The following PTPRS variants were observed in gnomAD, a reference collection of about 807,000 sequenced individuals.
The protein encoded by PTPRS is receptor-type tyrosine-protein phosphatase S.
Under a neutral mutation model 215.3 loss-of-function variants are expected in PTPRS, and 63 were observed. The ratio of observed to expected loss-of-function variants is 0.29; its 90% CI spans 0.24 to 0.36. The LOEUF (loss-of-function observed/expected upper bound fraction) is 0.36, where lower values mean the gene tolerates loss of function less well. PTPRS is among the 10% of genes least tolerant of loss of function. PTPRS has a pLI of 1.00. For synonymous variants in PTPRS, 1,404 were observed against 1,191.4 expected, an observed-to-expected ratio of 1.18 and a Z score of -3.68; for missense variants, 2,258 against 2,825.8, an observed-to-expected ratio of 0.80 and a Z score of 4.56.
intron 1 of PTPRS, among the ~76,000 whole-genome samples, chr19:5,329,802 C>T (rs994838284): frequency 1.3e-5 from 2 of 151,044 alleles, no homozygotes; most frequent in East Asian, 1.9e-4. Flanking sequence ...CCAGGTCGGG[C>T]ATGGTGGCTC....
intron 7 of PTPRS, among the ~76,000 whole-genome samples, chr19:5,260,058 G>A (rs575013879): frequency 2.0e-4 from 31 of 152,144 alleles, no homozygotes; most frequent in Non-Finnish European, 3.5e-4. Flanking sequence ...AAGTTGGGTA[G>A]GGGGAAAGGG....
chr19:5,219,912 T>C (rs1568392769), intron 22 of PTPRS, 27 bp downstream of exon 22: 1 of 1,606,884 alleles, frequency 6.2e-7, no homozygotes. Context: ...TGTGTCTGGA[T>C]GTGGGCGGAC....
chr19:5,277,862 A>G (rs1332489959), intron 2 of PTPRS: 3 of 898,004 alleles, frequency 3.3e-6, no homozygotes, highest in Non-Finnish European at 5.5e-6. Flanking sequence ...GGTATTGACA[A>G]CAGGGTTCGC....
chr19:5,259,695 C>T (rs1450188211), intron 7 of PTPRS, among the ~76,000 whole-genome samples: 1 of 152,160 alleles, frequency 6.6e-6, no homozygotes, highest in Non-Finnish European at 1.5e-5. Flanking sequence ...TGAATATCCC[C>T]AAATGTGTTT....
At chr19:5,282,420 G>A (rs1568560007) in intron 2 of PTPRS, among the ~76,000 whole-genome samples, 1 of 152,208 alleles carries the variant, frequency 6.6e-6, no homozygotes, top group Admixed American at 6.5e-5. Flanking sequence ...TCTGGGGCTT[G>A]AGGGCGCCGC....
intron 13 of PTPRS, 126 bp from the exon 14 acceptor site, chr19:5,231,741 C>A (rs2043035532): frequency 3.5e-6 from 1 of 281,830 alleles, no homozygotes; most frequent in Non-Finnish European, 6.8e-6. Context: ...AAAACAGAAC[C>A]AAACCAAAGA....
rs528659175 is a variant in PTPRS, at chr19:5,219,843, G to A, written c.3765+96C>T. On this transcript the variant is annotated intron_variant, in intron 22 of 37. Coordinates refer to ENST00000262963, the MANE Select transcript of PTPRS (RefSeq NM_002850.4). ...TGCCCAGCTCTGACCACAGGGAGCT[G>A]CCTGTGACTGACCACAGAGGTCAGG... The A allele has an allele frequency of 8.1e-6, 11 of 1,358,588 alleles. No homozygotes were observed. In the African/African-American group the frequency reaches 1.4e-4, roughly 18 times the overall value. The allele number at this position is 1,358,588 out of a possible 1,614,324, so 84.2% of individuals were successfully genotyped here. A position where few individuals can be genotyped will look rare whatever the true frequency, so the allele number is the denominator to read the frequency against.
In PTPRS at chr19:5,231,605, G is replaced by T. The variant is rs751470276; in HGVS notation, c.1860C>A (p.Ala620=). ...TGACACATTTAACGTCTTGAGGGGG[G>T]GCTGACGGTTCTATTGGAGGGGGGG... The part of the protein sequence containing the change: ...RQRTLQSKPS[A]PPQDVKCVSV... Residue 620 remains alanine (A), a synonymous_variant, in exon 14 of 38, where the codon GCC becomes GCA. Coordinates refer to ENST00000262963, the MANE Select transcript of PTPRS (RefSeq NM_002850.4). The T allele has an allele frequency of 1.4e-5, 19 of 1,396,682 alleles. No homozygotes were observed. The highest frequency in any genetic ancestry group is 6.2e-5 in the East Asian group (2 of 32,290). The allele number at this position is 1,396,682 out of a possible 1,614,324, so 86.5% of individuals were successfully genotyped here. A position where few individuals can be genotyped will look rare whatever the true frequency, so the allele number is the denominator to read the frequency against.
chr19:5,320,408 A>AGG (rs2049995063), intron 1 of PTPRS, among the ~76,000 whole-genome samples: 1 of 152,216 alleles, frequency 6.6e-6, no homozygotes, highest in African/African-American at 2.4e-5. Flanking sequence ...GACAAGCCTG[A>AGG]TAAACATCTA....
Position 5,215,249 on chromosome 19 carries a change from G to C in PTPRS, c.4318+40C>G, listed in dbSNP as rs994547227. On this transcript the variant is annotated intron_variant, in intron 28 of 37. Transcript: ENST00000262963. ...CATGGGATCTAGCACTTTCCATGCA[G>C]TGGGGAAGGGCAGGTTAAGACCCGG... The C allele has an allele frequency of 1.9e-6, 3 of 1,609,030 alleles. No homozygotes were observed. In the African/African-American group the frequency reaches 4.0e-5, roughly 21 times the overall value.
rs2230609 is a variant in PTPRS at position 5,244,247 on chromosome 19, G to A, written c.1224C>T (p.Ile408=). Residue 408 remains isoleucine, a synonymous_variant, in exon 11 of 38, where the codon ATC becomes ATT. Coordinates refer to ENST00000262963, the MANE Select transcript of PTPRS (RefSeq NM_002850.4). The surrounding 1 kb of genome is among the most constrained non-coding windows in gnomAD (Gnocchi z 7.2). ...YEIWVSAVNS[I]GQGPPSESVV... ...CGGACTCGCTGGGGGGCCCCTGGCC[G>A]ATGGAGTTGACGGCCGACACCCAGA... 8.7e-6 allele frequency: 14 copies of A among 1,613,464 alleles called. No individual in the cohort carries two copies. Among genetic ancestry groups the A allele is most frequent in the East Asian group, 6.7e-5 (3 of 44,868 alleles).
chr19:5,262,822 G>A lies in PTPRS; in HGVS notation c.577+142C>T, dbSNP rs1420334384. The A allele has an allele frequency of 2.6e-5, 23 of 877,910 alleles. 1 individual carries two copies. In the South Asian group the frequency reaches 3.6e-4, roughly 14 times the overall value. 54.4% of individuals were successfully genotyped at this position (877,910 alleles called of 1,614,324 possible). ...AGGGGCCGGTCGCGGGGAGGAGGGA[G>A]AGGGCGTTAGTAAACATACCAGGCA... is the stretch of plus-strand genomic sequence containing the variant. On this transcript the variant is annotated intron_variant, in intron 6 of 37. Transcript: ENST00000262963.
At position 5,220,316 on chromosome 19, in the gene PTPRS, G is replaced by A; in HGVS notation, c.3493C>T (p.Arg1165Cys). The part of the protein sequence containing the change: ...FIVMVPLRKS[R>C]GGQFLTPLGS... ...AGCGGGGTCAGGAATTGGCCTCCACGAGACTTGCGCAGTGGCACCATCACA... is the reference window on the plus strand; with the variant it reads ...AGCGGGGTCAGGAATTGGCCTCCACAAGACTTGCGCAGTGGCACCATCACA... Residue 1165 changes from arginine to cysteine, a missense_variant, in exon 21 of 38, where the codon CGT (arginine) becomes TGT (cysteine). Coordinates refer to ENST00000262963, the MANE Select transcript of PTPRS (RefSeq NM_002850.4). 2.5e-6 allele frequency: 4 copies of A among 1,614,064 alleles called. No homozygotes were observed. The highest frequency in any genetic ancestry group is 1.1e-5 in the South Asian group (1 of 91,054).
intron 1 of PTPRS, among the ~76,000 whole-genome samples, chr19:5,298,653 C>G (rs75410032): frequency 0.012 from 1,839 of 152,340 alleles, 29 homozygotes; most frequent in African/African-American, 0.036. Context: ...ACATCACAGC[C>G]CTGGCGCCGG....
Position 5,274,248 on chromosome 19 carries a change from C to T in PTPRS, c.188G>A (p.Arg63Gln), listed in dbSNP as rs569886681. The stretch of plus-strand genomic sequence containing the variant: ...CTTGCCCTTCTTGTTCCAGGTCACT[C>T]GTGGCTTGGGGTCACCCGTGGCCTG... ...VCQATGDPKP[R>Q]VTWNKKGKKV... The change falls in exon 3 of 38, where the codon CGA becomes CAA. Residue 63 changes from arginine (R) to glutamine (Q), a missense_variant. This residue lies in a region of PTPRS where 508 missense variants were observed against 799.4 expected (regional missense o/e 0.64). Transcript: ENST00000262963. The T allele has an allele frequency of 9.3e-6, 15 of 1,614,002 alleles. No individual in the cohort carries two copies. The African/African-American group carries it at 9.3e-5, about 10-fold the overall frequency.
At chr19:5,336,467 A>T (rs1315267488) in intron 1 of PTPRS, among the ~76,000 whole-genome samples, 1 of 152,038 alleles carries the variant, frequency 6.6e-6, no homozygotes, top group African/African-American at 2.4e-5. Flanking sequence ...TCACCTGGTG[A>T]TAAGATGACA....
At chr19:5,282,807 A>G (rs939925183) in intron 2 of PTPRS, among the ~76,000 whole-genome samples, 23 of 151,980 alleles carry the variant, frequency 1.5e-4, no homozygotes, top group Non-Finnish European at 3.2e-4. Flanking sequence ...CAAAAAAAAA[A>G]AAAAAAGAAG....
At position 5,229,327 on chromosome 19, in the gene PTPRS, T is replaced by C; in HGVS notation, c.2365A>G (p.Thr789Ala). The C allele has an allele frequency of 7.3e-7, 1 of 1,377,306 alleles. No individual in the cohort carries two copies. The highest frequency in any genetic ancestry group is 2.1e-5 in the South Asian group (1 of 48,636). The allele number at this position is 1,377,306 out of a possible 1,614,324, so 85.3% of individuals were successfully genotyped here. ...GGGGCGCTACTTACATATTCGGCCG[T>C]GTCATCCGTCTCCCACTGAGCGCGG... ...LADAQWETDD[T>A]AEYEMVITNL... The change falls in exon 16 of 38, where the codon ACG becomes GCG. Residue 789 changes from threonine to alanine, a missense_variant. Physicochemically the swap from Thr to Ala is moderately conservative, Grantham distance 58. Coordinates refer to ENST00000262963, the MANE Select transcript of PTPRS (RefSeq NM_002850.4).
chr19:5,310,174 C>A (rs892492448), intron 1 of PTPRS, among the ~76,000 whole-genome samples: 1 of 152,202 alleles, frequency 6.6e-6, no homozygotes, highest in Admixed American at 6.5e-5. Context: ...CCTGGAACAC[C>A]CTCCCCTCAG....
Sources: gnomAD v4.1 joint callset for allele counts (sites outside exome capture counted in the v4.1 genomes callset) on GRCh38, gnomAD v4.1.1 for gene constraint, gnomAD v4.1.1 regional missense constraint, Gnocchi (gnomAD v3.1) non-coding constraint, MANE v1.5 for transcripts, NCBI Gene and HGNC (gene_info 2026-07-23, HGNC 2026-07-21) for gene names.